Variants in TTC14 observed in about 807,000 individuals in gnomAD.
TTC14 encodes the protein tetratricopeptide repeat domain 14, also known as tetratricopeptide repeat protein 14.
A neutral mutation model predicts 79.9 loss-of-function variants in TTC14; 63 were observed. That is an observed-to-expected ratio of 0.79 (90% confidence interval 0.64 to 0.97). TTC14 has a LOEUF of 0.97. Among genes scored for constraint, TTC14 ranks in the 50% least tolerant of loss-of-function variants. The probability of loss-of-function intolerance (pLI) is 0.00; values close to 1 mark genes in which losing one functional copy is unlikely to be tolerated. For synonymous variants in TTC14, 335 were observed against 309.6 expected, an observed-to-expected ratio of 1.08 and a Z score of -0.86; for missense variants, 895 against 894.0, an observed-to-expected ratio of 1.00 and a Z score of -0.01.
downstream of TTC14, chr3:180,614,788 T>A (rs113696248): frequency 0.014 from 10,110 of 715,846 alleles, 621 homozygotes; most frequent in African/African-American, 0.16. Context: ...CCTTTTTTTT[T>A]AAAACTATCA....
In TTC14 at chr3:180,610,326, T is replaced by C. The variant is rs745966782; in HGVS notation, c.2097T>C (p.His699=). 6.2e-7 allele frequency: 1 copy of C among 1,612,982 alleles called. No homozygotes were observed. Among genetic ancestry groups the C allele is most frequent in the Admixed American group, 1.7e-5 (1 of 59,816 alleles). ...CTGGATCACGTGATTTCAGTAGACA[T>C]GAGCAAAGATACCGTTTAAATACAA... ...AHSGSRDFSR[H]EQRYRLNTNQ... The change falls in exon 12 of 12, where the codon CAT becomes CAC. Residue 699 remains histidine, a synonymous_variant. Transcript: ENST00000296015.
At chr3:180,616,765 G>C in intron 12 of TTC14, 1 of 1,577,128 alleles carries the variant, frequency 6.3e-7, no homozygotes, top group Non-Finnish European at 8.7e-7. Flanking sequence ...AATAGATGAA[G>C]GAGGATTTGG....
chr3:180,604,479 T>A lies in TTC14; in HGVS notation c.573T>A (p.Ala191=). 1 of 1,579,528 alleles carries A rather than the reference T, an allele frequency of 6.3e-7. No homozygotes were observed. Among genetic ancestry groups the A allele is most frequent in the Admixed American group, 2.0e-5 (1 of 49,758 alleles). The change falls in exon 5 of 12, where the codon GCT becomes GCA. Residue 191 remains alanine, a splice_region_variant and synonymous_variant. Coordinates refer to ENST00000296015, the MANE Select transcript of TTC14 (RefSeq NM_133462.4). ...SYYQTGDIIR[A]GIKDIDRYHE... ...AGTTCTCTTTTTTTTTTTCTTAAGC[T>A]GGAATCAAGGATATTGACAGATACC...
intron 8 of TTC14, 23 bp from the exon 9 acceptor site, chr3:180,606,458 C>T (rs1305929018): frequency 1.9e-6 from 3 of 1,613,256 alleles, no homozygotes; most frequent in Non-Finnish European, 2.5e-6. Context: ...ATACAGCCCT[C>T]TATCTTTGTT....
rs1432926516 is a variant in TTC14, at chr3:180,608,750, AAAC to A, written c.1343_1345del (p.Thr448del). On this transcript the variant is annotated inframe_deletion, in exon 11 of 12. Transcript: ENST00000296015. Reference sequence around the variant, plus strand: ...CAAGCTGAAAAGGAAGAAAAGCAGAAAACAAAGAAAATAGAAACAAGTGCAGAA... The same window carrying A: ...CAAGCTGAAAAGGAAGAAAAGCAGAAAAAGAAAATAGAAACAAGTGCAGAA... 15 of 1,561,986 alleles carry A rather than the reference AAAC, an allele frequency of 9.6e-6. No homozygotes were observed. The highest frequency in any genetic ancestry group is 1.4e-5 in the African/African-American group (1 of 72,516).
rs148666553 is a variant in TTC14, at chr3:180,604,992, T to C, written c.842T>C (p.Met281Thr). Reference protein sequence around the residue: ...GIDESNPPSLMRGLQSKNFSE... With the variant: ...GIDESNPPSLTRGLQSKNFSE... Reference sequence around the variant, plus strand: ...GATGAATCTAATCCACCATCTTTAATGAGAGGCCTACAAAGGTATAGTACA... The same window carrying C: ...GATGAATCTAATCCACCATCTTTAACGAGAGGCCTACAAAGGTATAGTACA... Residue 281 changes from methionine (M) to threonine (T), a missense_variant, in exon 6 of 12, where the codon ATG becomes ACG. Coordinates refer to ENST00000296015, the MANE Select transcript of TTC14 (RefSeq NM_133462.4). 1.6e-5 allele frequency: 25 copies of C among 1,612,812 alleles called. No homozygotes were observed. Among genetic ancestry groups the C allele is most frequent in the Non-Finnish European group, 2.1e-5 (25 of 1,179,580 alleles).
At chr3:180,606,707 C>G in intron 9 of TTC14, 104 bp downstream of exon 9, 3 of 1,289,396 alleles carry the variant, frequency 2.3e-6, no homozygotes, top group South Asian at 3.2e-5. Flanking sequence ...ATTTATAACA[C>G]TCTTGGTTTC....
chr3:180,608,799 A>G lies in TTC14; in HGVS notation c.1389A>G (p.Lys463=). 1.3e-6 allele frequency: 2 copies of G among 1,537,548 alleles called. No individual in the cohort carries two copies. The highest frequency in any genetic ancestry group is 1.7e-6 in the Non-Finnish European group (2 of 1,147,914). ...TSAEKLRKLL[K]EEKRLKKKRR... is the part of the protein sequence containing the mutation. ...CAGAAAAGTTGCGTAAGCTCTTAAA[A>G]GAAGAGAAGAGGTAAACTATAATAT... The change falls in exon 11 of 12, where the codon AAA becomes AAG. Residue 463 remains lysine (K), a synonymous_variant. Transcript: ENST00000296015.
chr3:180,604,729 T>C, intron 5 of TTC14, 122 bp downstream of exon 5: 4 of 1,414,800 alleles, frequency 2.8e-6, no homozygotes, highest in Non-Finnish European at 2.9e-6. Context: ...TATCATAATA[T>C]TGCCACACCA....
intron 10 of TTC14, chr3:180,608,316 G>A (rs373305402): frequency 1.4e-5 from 14 of 985,950 alleles, no homozygotes; most frequent in African/African-American, 1.8e-5. Context: ...TCACCTTAAC[G>A]GAATGTCTTT....
chr3:180,609,412 A>G, intron 11 of TTC14: 2 of 1,238,142 alleles, frequency 1.6e-6, no homozygotes, highest in South Asian at 3.3e-5. Context: ...TCTTTCAGAG[A>G]TGATGGATTT....
rs147183244 is a variant in TTC14, at chr3:180,616,544, C to T, written c.1775-836C>T. ...TTGAAAGTATGTTTGAAGGATAATA[C>T]GGATCTCAGTATTTTCTTCTATGAT... On this transcript the variant is annotated intron_variant, in intron 12 of 12. Coordinates refer to the TTC14 transcript ENST00000382584. 186 of 1,584,186 alleles carry T rather than the reference C, an allele frequency of 1.2e-4. No homozygotes were observed. The highest frequency in any genetic ancestry group is 3.8e-4 in the East Asian group (17 of 44,530).
chr3:180,609,851 C>G lies in TTC14; in HGVS notation c.1622C>G (p.Ala541Gly). Residue 541 changes from alanine to glycine, a missense_variant, in exon 12 of 12, where the codon GCT (alanine) becomes GGT (glycine). Transcript: ENST00000296015. ...NRKDECYPVPANTSASFLNHK... is the reference protein window; with the variant it reads ...NRKDECYPVPGNTSASFLNHK... ...AAAGATGAGTGCTACCCAGTTCCAGCTAATACTTCAGCATCTTTTCTTAAC... is the reference window on the plus strand; with the variant it reads ...AAAGATGAGTGCTACCCAGTTCCAGGTAATACTTCAGCATCTTTTCTTAAC... The G allele has an allele frequency of 2.5e-6, 4 of 1,613,640 alleles. No homozygotes were observed. The highest frequency in any genetic ancestry group is 3.4e-6 in the Non-Finnish European group (4 of 1,179,832).
downstream of TTC14, chr3:180,613,727 G>A: frequency 2.6e-6 from 1 of 382,892 alleles, no homozygotes; most frequent in South Asian, 2.0e-5. Context: ...TAAGAACTTT[G>A]ATGAGCAAAG....
chr3:180,609,203 C>CA, intron 11 of TTC14: 1 of 657,508 alleles, frequency 1.5e-6, no homozygotes, highest in Non-Finnish European at 1.9e-6. Flanking sequence ...GTATAATGGT[C>CA]AGGGATGCTC....
At chr3:180,614,985 G>A (rs745692945), downstream of TTC14, 10 of 1,565,784 alleles carry the variant, frequency 6.4e-6, no homozygotes, top group East Asian at 4.7e-5. Context: ...TGGCCTAGAA[G>A]GGCTGCCTAC....
chr3:180,602,569 A>G, intron 1 of TTC14, 147 bp downstream of exon 1: 3 of 1,120,972 alleles, frequency 2.7e-6, no homozygotes, highest in South Asian at 1.6e-5. Context: ...GGCTGGGTGG[A>G]CGGGGGGCGC....
At chr3:180,616,182 A>G (rs1717230163) in intron 12 of TTC14, 1 of 945,084 alleles carries the variant, frequency 1.1e-6, no homozygotes, top group Admixed American at 1.9e-5. Flanking sequence ...CAGTGAGTGC[A>G]TGGGCCTGCC....
chr3:180,608,077 A>G (rs971729548), intron 10 of TTC14: 3 of 1,050,112 alleles, frequency 2.9e-6, no homozygotes, highest in Non-Finnish European at 3.4e-6. Flanking sequence ...CTAATTATAA[A>G]AACCTTTTTG....
Sources: allele counts gnomAD v4.1 joint callset, GRCh38; gene constraint gnomAD v4.1.1; transcripts MANE v1.5; gene names NCBI Gene and HGNC (gene_info 2026-07-23, HGNC 2026-07-21).